The following PER2 variants were observed in gnomAD, a reference collection of about 807,000 sequenced individuals.
PER2 encodes period circadian regulator 2.
Under a neutral mutation model 121.0 loss-of-function variants are expected in PER2, and 66 were observed. That is an observed-to-expected ratio of 0.55 (90% CI 0.45 to 0.67). The LOEUF (loss-of-function observed/expected upper bound fraction) is 0.67, where lower values mean the gene tolerates loss of function less well. Among genes scored for constraint, PER2 ranks in the 30% least tolerant of loss-of-function variants. The pLI is 0.00. For synonymous variants in PER2, 684 were observed against 659.9 expected, an observed-to-expected ratio of 1.04 and a Z score of -0.56; for missense variants, 1,521 against 1,635.0, an observed-to-expected ratio of 0.93 and a Z score of 1.20.
In PER2 at chr2:238,253,236, A is replaced by C. The variant is rs746160262; in HGVS notation, c.2787T>G (p.Pro929=). 4 of 1,600,834 alleles carry C rather than the reference A, an allele frequency of 2.5e-6. No individual in the cohort carries two copies. In the East Asian group the frequency reaches 9.0e-5, roughly 36 times the overall value. ...NLPQAFFPSQ[P]QFPSHPTLTS... is the part of the protein sequence containing the mutation. ...TGAGTGTGGGGTGGCTCGGAAACTGAGGCTGGCTGGGGAAGAAGGCCTGGG... is the reference window on the plus strand; with the variant it reads ...TGAGTGTGGGGTGGCTCGGAAACTGCGGCTGGCTGGGGAAGAAGGCCTGGG... The change falls in exon 19 of 23, where the codon CCT becomes CCG. Residue 929 remains proline (P), a synonymous_variant. Transcript: ENST00000254657. This position sits in a 1 kb window ranked among gnomAD's most constrained non-coding sequence, Gnocchi z 5.6.
At chr2:238,269,949 A>G (rs183629138) in intron 6 of PER2, among the ~76,000 whole-genome samples, 9 of 152,308 alleles carry the variant, frequency 5.9e-5, no homozygotes, top group African/African-American at 2.2e-4. Flanking sequence ...GCAAATTCCT[A>G]CTGGTTCCCT....
In PER2 at chr2:238,268,771, A is replaced by G; in HGVS notation, c.824+152T>C. ...TCTTAGCGACCTGTACACATTTAAA[A>G]TGTAACTGACTGTGTTTTCTGGTAG... On this transcript the variant is annotated intron_variant, in intron 7 of 22. Coordinates refer to ENST00000254657, the MANE Select transcript of PER2 (RefSeq NM_022817.3). This position sits in a 1 kb window ranked among gnomAD's most constrained non-coding sequence, Gnocchi z 4.0. 15 of 680,462 alleles carry G rather than the reference A, an allele frequency of 2.2e-5. No individual in the cohort carries two copies. The highest frequency in any genetic ancestry group is 4.0e-5 in the Non-Finnish European group (15 of 376,950). The allele number at this position is 680,462 out of a possible 1,614,324, so 42.2% of individuals were successfully genotyped here. A position where few individuals can be genotyped will look rare whatever the true frequency, so the allele number is the denominator to read the frequency against.
chr2:238,294,599 A>G (rs1477218913), upstream of PER2, among the ~76,000 whole-genome samples: 2 of 152,194 alleles, frequency 1.3e-5, no homozygotes, highest in African/African-American at 2.4e-5. Context: ...TCTATAGGAC[A>G]TGCGCCTGCA....
At chr2:238,249,522 G>A (rs1361062192) in intron 21 of PER2, among the ~76,000 whole-genome samples, 1 of 152,192 alleles carries the variant, frequency 6.6e-6, no homozygotes, top group Non-Finnish European at 1.5e-5. Context: ...GGAGATTCTT[G>A]CCAGCAGGAC....
At position 238,265,798 on chromosome 2, in the gene PER2, A is replaced by T. The variant is rs79953388; in HGVS notation, c.968-208T>A. Among the ~76,000 whole-genome samples, 3 of 152,192 alleles carry T rather than the reference A, an allele frequency of 2.0e-5. No individual in the cohort carries two copies. The South Asian group carries it at 6.2e-4, about 32-fold the overall frequency. On this transcript the variant is annotated intron_variant, in intron 8 of 22. Coordinates refer to ENST00000254657, the MANE Select transcript of PER2 (RefSeq NM_022817.3). ...GTTGGCCAGCCTTCTTAGCTTCTTT[A>T]TATGCTAGTTTTAGTCTAGTAAATC...
At chr2:238,283,109 C>T (rs761528585) in intron 1 of PER2, among the ~76,000 whole-genome samples, 2 of 152,224 alleles carry the variant, frequency 1.3e-5, no homozygotes, top group Non-Finnish European at 2.9e-5. Context: ...GATGAGGCAG[C>T]TGGATAGGAG....
At chr2:238,281,301 C>T (rs1470351320) in intron 1 of PER2, among the ~76,000 whole-genome samples, 7 of 152,096 alleles carry the variant, frequency 4.6e-5, no homozygotes, top group East Asian at 1.9e-4. Context: ...CAGGCCCGGC[C>T]GTCTACATAT....
At position 238,275,849 on chromosome 2, in the gene PER2, T is replaced by A. The variant is rs754821384; in HGVS notation, c.342A>T (p.Thr114=). 2 of 1,614,114 alleles carry A rather than the reference T, an allele frequency of 1.2e-6. No individual in the cohort carries two copies. The highest frequency in any genetic ancestry group is 1.7e-6 in the Non-Finnish European group (2 of 1,180,032). ...GGAGGTGGACCTTCAGCTCCTTTAG[T>A]GTTTTTATCAGTTCTTTGTGTGTGT... ...KVDTHKELIK[T]LKELKVHLPA... Residue 114 remains threonine (T), a synonymous_variant, in exon 4 of 23, where the codon ACA becomes ACT. Transcript: ENST00000254657.
chr2:238,278,493 G>A (rs771472329), intron 1 of PER2, among the ~76,000 whole-genome samples: 3 of 151,976 alleles, frequency 2.0e-5, no homozygotes, highest in East Asian at 3.8e-4. Flanking sequence ...GCCTCAGCCC[G>A]ACATAGAGCT....
rs1695779810 is a variant in PER2, at chr2:238,256,953, A to G, written c.2034T>C (p.His678=). Reference sequence around the variant, plus strand: ...CCGGCTGCGGCTTCTTGTCTCCCACATGGACGATGGTGCTGCTGTAGCTGC... The same window carrying G: ...CCGGCTGCGGCTTCTTGTCTCCCACGTGGACGATGGTGCTGCTGTAGCTGC... ...SQCSYSSTIV[H]VGDKKPQPEL... Residue 678 remains histidine, a synonymous_variant, in exon 17 of 23, where the codon CAT becomes CAC. Transcript: ENST00000254657. The G allele has an allele frequency of 6.2e-7, 1 of 1,614,086 alleles. No individual in the cohort carries two copies. The highest frequency in any genetic ancestry group is 1.1e-5 in the South Asian group (1 of 91,084).
intron 22 of PER2, among the ~76,000 whole-genome samples, chr2:238,246,833 G>A (rs964205836): frequency 1.3e-5 from 2 of 152,188 alleles, no homozygotes; most frequent in Non-Finnish European, 1.5e-5. Flanking sequence ...CGGAGATCAC[G>A]CTACTGTGCT....
At chr2:238,276,396 G>A (rs1335686752) in intron 3 of PER2, among the ~76,000 whole-genome samples, 2 of 152,238 alleles carry the variant, frequency 1.3e-5, no homozygotes, top group African/African-American at 2.4e-5. Flanking sequence ...CCCTCCAACT[G>A]TGTTCTTTTC....
upstream of PER2, among the ~76,000 whole-genome samples, chr2:238,293,977 C>A (rs1697003969): frequency 6.6e-6 from 1 of 152,152 alleles, no homozygotes; most frequent in African/African-American, 2.4e-5. Flanking sequence ...GCCAGTACCC[C>A]TCACTGTCCT....
Position 238,252,859 on chromosome 2 carries a change from C to A in PER2, c.3111+53G>T. 1 of 1,492,076 alleles carries A rather than the reference C, an allele frequency of 6.7e-7. No homozygotes were observed. The allele number at this position is 1,492,076 out of a possible 1,614,324, so 92.4% of individuals were successfully genotyped here. A position where few individuals can be genotyped will look rare whatever the true frequency, so the allele number is the denominator to read the frequency against. On this transcript the variant is annotated intron_variant, in intron 19 of 22. Transcript: ENST00000254657. The surrounding 1 kb of genome is among the most constrained non-coding windows in gnomAD (Gnocchi z 4.2). ...AACTGAGGATGTGCGGCCGGCCTGC[C>A]AGGTGTGCTGTTTGCTGCCTGCTTT...
the PER2 span, among the ~76,000 whole-genome samples, chr2:238,297,500 G>A: frequency 1.3e-5 from 2 of 152,148 alleles, no homozygotes; most frequent in Admixed American, 6.5e-5. Flanking sequence ...CTCTTGTAAC[G>A]CTAGGGTCCA....
At chr2:238,258,150 A>T in intron 16 of PER2, 126 bp downstream of exon 16, 2 of 1,061,396 alleles carry the variant, frequency 1.9e-6, no homozygotes, top group Non-Finnish European at 2.9e-6. Flanking sequence ...CTTTTGAACT[A>T]CTTTCATCAT....
rs1695661333 is a variant in PER2 at position 238,253,258 on chromosome 2, T to G, written c.2765A>C (p.Gln922Pro). The change falls in exon 19 of 23, where the codon CAG becomes CCG. Residue 922 changes from glutamine (Q) to proline (P), a missense_variant. Transcript: ENST00000254657. The surrounding 1 kb of genome is among the most constrained non-coding windows in gnomAD (Gnocchi z 5.6). ...CTGAGGCTGGCTGGGGAAGAAGGCC[T>G]GGGGCAGGTTTGGGGTCCCCGAGGG... ...SFPSGTPNLPQAFFPSQPQFP... is the reference protein window; with the variant it reads ...SFPSGTPNLPPAFFPSQPQFP... The G allele has an allele frequency of 6.2e-7, 1 of 1,607,182 alleles. No homozygotes were observed.
intron 1 of PER2, among the ~76,000 whole-genome samples, chr2:238,283,786 T>A (rs1365115358): frequency 6.6e-6 from 1 of 152,142 alleles, no homozygotes; most frequent in Non-Finnish European, 1.5e-5. Flanking sequence ...CCGCCCAGGG[T>A]ACCAAGGGCA....
At chr2:238,269,218 G>A (rs1469056991) in intron 6 of PER2, among the ~76,000 whole-genome samples, 2 of 152,258 alleles carry the variant, frequency 1.3e-5, no homozygotes, top group Non-Finnish European at 2.9e-5. Flanking sequence ...TTAGCACCAG[G>A]AGGCTTACAT....
Sources: allele counts gnomAD v4.1 joint callset (sites outside exome capture counted in the v4.1 genomes callset), GRCh38; gene constraint gnomAD v4.1.1; non-coding constraint Gnocchi (gnomAD v3.1); transcripts MANE v1.5; gene names NCBI Gene and HGNC (gene_info 2026-07-23, HGNC 2026-07-21).